The following OR8B2 variants were observed in gnomAD, a reference collection of about 807,000 sequenced individuals.
The protein encoded by OR8B2 is olfactory receptor family 8 subfamily B member 2, also known as olfactory receptor 8B2.
For synonymous variants in OR8B2, 98 were observed against 138.2 expected (o/e 0.71, Z 2.04); for missense variants, 304 against 379.6 (o/e 0.80, Z 1.65).
the OR8B2 span, among the ~76,000 whole-genome samples, chr11:124,394,099 C>G: frequency 2.3e-4 from 24 of 102,226 alleles, no homozygotes; most frequent in South Asian, 3.3e-4. Flanking sequence ...ACTCTGGGGA[C>G]TGTTGTGGGG....
At chr11:124,387,629 G>C (rs929812905), upstream of OR8B2, among the ~76,000 whole-genome samples, 287 of 148,580 alleles carry the variant, frequency 1.9e-3, 2 homozygotes, top group East Asian at 0.048. Context: ...TCTCTGTTTT[G>C]GTACCCGTAC....
upstream of OR8B2, among the ~76,000 whole-genome samples, chr11:124,386,490 G>A (rs1170331215): frequency 7.1e-6 from 1 of 140,774 alleles, no homozygotes; most frequent in Non-Finnish European, 1.5e-5. Flanking sequence ...TCCCACCTAT[G>A]AGTGAGAATA....
the OR8B2 span, chr11:124,397,248 T>C: frequency 1.9e-6 from 3 of 1,547,778 alleles, no homozygotes; most frequent in Non-Finnish European, 2.7e-6. Flanking sequence ...GGTGACAATG[T>C]AGACCACTAG....
chr11:124,384,584 A>G (rs1265860855), upstream of OR8B2: 2 of 138,556 alleles, frequency 1.4e-5, no homozygotes, highest in African/African-American at 5.4e-5. Flanking sequence ...CTATTTATAA[A>G]TTTGCCAAGA....
upstream of OR8B2, among the ~76,000 whole-genome samples, chr11:124,386,535 A>G (rs1405767654): frequency 6.7e-6 from 1 of 149,396 alleles, no homozygotes; most frequent in Non-Finnish European, 1.5e-5. Context: ...GCGATAGTTT[A>G]CTGAGAATGA....
chr11:124,395,229 A>T, the OR8B2 span, among the ~76,000 whole-genome samples: 1 of 152,160 alleles, frequency 6.6e-6, no homozygotes, highest in Non-Finnish European at 1.5e-5. Context: ...GAACCACTGC[A>T]TTCCTGCCTA....
the OR8B2 span, chr11:124,396,399 A>G: frequency 1.2e-5 from 19 of 1,580,194 alleles, no homozygotes; most frequent in Non-Finnish European, 1.5e-5. Flanking sequence ...TTACATTATT[A>G]CTGCTTCTAA....
the OR8B2 span, chr11:124,397,142 A>G: frequency 2.5e-6 from 4 of 1,612,574 alleles, no homozygotes; most frequent in East Asian, 6.7e-5. Flanking sequence ...AGTAACAGAG[A>G]TCAATGAAGG....
At chr11:124,395,027 T>C in the OR8B2 span, among the ~76,000 whole-genome samples, 1 of 151,730 alleles carries the variant, frequency 6.6e-6, no homozygotes, top group South Asian at 2.1e-4. Context: ...ATTTAAAAAG[T>C]AGGGAGGCAT....
upstream of OR8B2, among the ~76,000 whole-genome samples, chr11:124,387,295 G>A (rs541941500): frequency 4.1e-3 from 618 of 152,304 alleles, 2 homozygotes; most frequent in Middle Eastern, 0.014. Context: ...GGCTTTTCTT[G>A]CCATTGCTTT....
At chr11:124,390,044 A>T in the OR8B2 span, among the ~76,000 whole-genome samples, 2 of 152,118 alleles carry the variant, frequency 1.3e-5, no homozygotes, top group Non-Finnish European at 2.9e-5. Flanking sequence ...GCCCTGTAGG[A>T]TTGGCGCTTG....
upstream of OR8B2, among the ~76,000 whole-genome samples, chr11:124,386,618 T>C (rs1172558328): frequency 6.6e-6 from 1 of 151,554 alleles, no homozygotes; most frequent in African/African-American, 2.4e-5. Context: ...TAGTATTCCA[T>C]GGTGTACACG....
chr11:124,385,594 A>T (rs1031537204), upstream of OR8B2, among the ~76,000 whole-genome samples: 7 of 149,854 alleles, frequency 4.7e-5, no homozygotes, highest in Non-Finnish European at 8.9e-5. Flanking sequence ...CTAAGTCAGG[A>T]TACAGAATTC....
At chr11:124,386,521 T>TGA (rs1860703896), upstream of OR8B2, among the ~76,000 whole-genome samples, 1 of 149,312 alleles carries the variant, frequency 6.7e-6, no homozygotes, top group Non-Finnish European at 1.5e-5. Flanking sequence ...GGTTTTTTGT[T>TGA]CTTGCGATAG....
At chr11:124,396,330 G>T in the OR8B2 span, 1 of 1,205,122 alleles carries the variant, frequency 8.3e-7, no homozygotes, top group African/African-American at 1.5e-5. Context: ...ACCATCTGTA[G>T]AAACAACAAA....
At position 124,384,487 on chromosome 11, in the gene OR8B2, A is replaced by G. The variant is rs753932725; in HGVS notation, c.-131T>C. On this transcript the variant is annotated 5_prime_UTR_variant, in exon 1 of 2. Coordinates refer to ENST00000641451, the MANE Select transcript of OR8B2 (RefSeq NM_001005468.2). ...TACGTTGACCACATGTAGTCAAAGA[A>G]TCTTCTTCTCCCTTACCTGGCAAAA... is the stretch of plus-strand genomic sequence containing the variant. 7 of 152,196 alleles carry G rather than the reference A, an allele frequency of 4.6e-5. No individual in the cohort carries two copies. The highest frequency in any genetic ancestry group is 2.1e-4 in the South Asian group (1 of 4,824). The allele number at this position is 152,196 out of a possible 1,614,324, so 9.4% of individuals were successfully genotyped here.
the OR8B2 span, chr11:124,395,751 T>C: frequency 6.6e-6 from 1 of 152,238 alleles, no homozygotes; most frequent in African/African-American, 2.4e-5. Context: ...CCTCTGTAAA[T>C]GCTGCCTTTG....
At chr11:124,396,707 G>A in the OR8B2 span, 5 of 1,613,896 alleles carry the variant, frequency 3.1e-6, no homozygotes, top group Middle Eastern at 1.7e-4. Flanking sequence ...CATAAGAAAT[G>A]AGGATGGTAC....
the OR8B2 span, chr11:124,395,472 T>C: frequency 6.6e-6 from 1 of 152,182 alleles, no homozygotes; most frequent in Non-Finnish European, 1.5e-5. Flanking sequence ...CACAAAATAT[T>C]TGTAGAAATA....
Sources: gnomAD v4.1 joint callset for allele counts (sites outside exome capture counted in the v4.1 genomes callset) on GRCh38, gnomAD v4.1.1 for gene constraint, MANE v1.5 for transcripts, NCBI Gene and HGNC (gene_info 2026-07-23, HGNC 2026-07-21) for gene names.